Variants in HK2 observed in about 807,000 individuals in gnomAD.
HK2 encodes hexokinase-2.
A neutral mutation model predicts 92.9 loss-of-function variants in HK2; 42 were observed. That is an observed-to-expected ratio of 0.45 (90% confidence interval 0.35 to 0.58). The LOEUF (loss-of-function observed/expected upper bound fraction) is 0.58, where lower values mean the gene tolerates loss of function less well. HK2 is among the 20% of genes least tolerant of loss of function. The pLI is 0.00. For missense variants in HK2, 978 were observed against 1,245.1 expected, an observed-to-expected ratio of 0.79 and a Z score of 3.23; for synonymous variants, 422 against 468.0, an observed-to-expected ratio of 0.90 and a Z score of 1.27.
intron 1 of HK2, among the ~76,000 whole-genome samples, chr2:74,836,783 G>A (rs989126049): frequency 6.6e-6 from 1 of 152,174 alleles, no homozygotes; most frequent in African/African-American, 2.4e-5. Flanking sequence ...ATCTTTCTGA[G>A]CTGCCATTGG....
In HK2 at chr2:74,834,873, C is replaced by A. The variant is rs948053734; in HGVS notation, c.63+230C>A. 2.6e-5 allele frequency among the ~76,000 whole-genome samples: 4 copies of A among 152,212 alleles called. No individual in the cohort carries two copies. The highest frequency in any genetic ancestry group is 7.2e-5 in the African/African-American group (3 of 41,466). On this transcript the variant is annotated intron_variant, in intron 1 of 17. Coordinates refer to ENST00000290573, the MANE Select transcript of HK2 (RefSeq NM_000189.5). The surrounding 1 kb of genome is among the most constrained non-coding windows in gnomAD (Gnocchi z 4.2). ...AGGTCGCGCTCCGCCGGGCGCCCTC[C>A]CTCCCTGAGCTCCGGCACGCGCTCA...
At chr2:74,839,330 A>G (rs976671068) in intron 1 of HK2, among the ~76,000 whole-genome samples, 1 of 152,212 alleles carries the variant, frequency 6.6e-6, no homozygotes, top group African/African-American at 2.4e-5. Context: ...ACCACGTGCC[A>G]TTAGTCCGCA....
intron 1 of HK2, among the ~76,000 whole-genome samples, chr2:74,843,222 AT>A (rs944443253): frequency 2.6e-5 from 4 of 151,996 alleles, no homozygotes; most frequent in Non-Finnish European, 5.9e-5. Context: ...GCATCCTGGG[AT>A]TTGGCAGTCA....
intron 1 of HK2, among the ~76,000 whole-genome samples, chr2:74,837,778 C>T (rs971295897): frequency 6.6e-6 from 1 of 150,424 alleles, no homozygotes; most frequent in Non-Finnish European, 1.5e-5. Flanking sequence ...CAGGTTCAAG[C>T]GATTCTCCTG....
chr2:74,869,120 TAAA>T (rs750715342), intron 3 of HK2, among the ~76,000 whole-genome samples: 2 of 144,652 alleles, frequency 1.4e-5, no homozygotes, highest in African/African-American at 5.0e-5. Flanking sequence ...TAGTCCGGAT[TAAA>T]AAAAAAAACA....
At chr2:74,847,131 C>T (rs1418112291) in intron 1 of HK2, among the ~76,000 whole-genome samples, 1 of 152,152 alleles carries the variant, frequency 6.6e-6, no homozygotes, top group East Asian at 1.9e-4. Context: ...CAAAGTTCAG[C>T]TGTGCCACAG....
chr2:74,876,482 A>G (rs1012677936), intron 7 of HK2, among the ~76,000 whole-genome samples: 20 of 152,202 alleles, frequency 1.3e-4, no homozygotes, highest in Non-Finnish European at 4.4e-5. Flanking sequence ...TTAAAATTAA[A>G]TCACCGGACC....
At chr2:74,876,927 C>T (rs1689246789) in intron 7 of HK2, among the ~76,000 whole-genome samples, 2 of 152,190 alleles carry the variant, frequency 1.3e-5, no homozygotes, top group Admixed American at 1.3e-4. Context: ...CTGTGTGTTT[C>T]ATTTGGCTGC....
At chr2:74,879,785 A>G (rs80277953) in intron 9 of HK2, among the ~76,000 whole-genome samples, 3,243 of 152,322 alleles carry the variant, frequency 0.021, 60 homozygotes, top group African/African-American at 0.047. Flanking sequence ...GAAACTGGCA[A>G]AAGAGAGGCT....
chr2:74,864,596 T>G (rs1454660460), intron 2 of HK2, among the ~76,000 whole-genome samples: 1 of 152,188 alleles, frequency 6.6e-6, no homozygotes, highest in Non-Finnish European at 1.5e-5. Flanking sequence ...AACCTCCACT[T>G]CCTGGGTTCT....
At chr2:74,864,237 C>T (rs977850377) in intron 2 of HK2, among the ~76,000 whole-genome samples, 23 of 152,174 alleles carry the variant, frequency 1.5e-4, no homozygotes, top group African/African-American at 5.5e-4. Context: ...TTCTTAAGAA[C>T]GAAAGAAAGT....
In HK2 at chr2:74,873,317, A is replaced by T. The variant is rs1689145448; in HGVS notation, c.537A>T (p.Gly179=). ...GGACCAAGGGATTCAAGTCCAGTGG[A>T]GTGGAAGGCAGAGACGTTGTGGCTC... is the stretch of plus-strand genomic sequence containing the variant. ...VSWTKGFKSS[G]VEGRDVVALI... is the part of the protein sequence containing the mutation. The change falls in exon 5 of 18, where the codon GGA becomes GGT. Residue 179 remains glycine, a synonymous_variant. Coordinates refer to ENST00000290573, the MANE Select transcript of HK2 (RefSeq NM_000189.5). 6.2e-7 allele frequency: 1 copy of T among 1,613,858 alleles called. No homozygotes were observed. The highest frequency in any genetic ancestry group is 1.1e-5 in the South Asian group (1 of 91,076).
At chr2:74,837,728 T>G (rs1688202198) in intron 1 of HK2, among the ~76,000 whole-genome samples, 2 of 144,234 alleles carry the variant, frequency 1.4e-5, no homozygotes, top group Admixed American at 7.4e-5. Flanking sequence ...CAGGCTGGAG[T>G]GCAGTGGCGC....
At chr2:74,888,469 T>C (rs1305998575) in intron 16 of HK2, among the ~76,000 whole-genome samples, 39 of 152,246 alleles carry the variant, frequency 2.6e-4, no homozygotes, top group Non-Finnish European at 5.9e-5. Context: ...GGTTGGAACG[T>C]CAGGCAATGC....
chr2:74,884,111 T>G (rs528598443), intron 12 of HK2, among the ~76,000 whole-genome samples: 30 of 152,272 alleles, frequency 2.0e-4, no homozygotes, highest in Non-Finnish European at 4.1e-4. Context: ...CAACAGGTTA[T>G]ATATTTATTT....
chr2:74,886,973 C>T (rs1689554405), intron 15 of HK2, among the ~76,000 whole-genome samples: 1 of 152,206 alleles, frequency 6.6e-6, no homozygotes, highest in Non-Finnish European at 1.5e-5. Context: ...GGCTGAAGAG[C>T]ATCTCTTGGG....
chr2:74,892,643 G>C lies in HK2; in HGVS notation c.*1702G>C, dbSNP rs1195452195. The C allele has an allele frequency of 6.6e-6, 1 of 152,186 alleles. No homozygotes were observed. The highest frequency in any genetic ancestry group is 1.5e-5 in the Non-Finnish European group (1 of 68,034). 9.4% of individuals were successfully genotyped at this position (152,186 alleles called of 1,614,324 possible). ...AAAGAGGGATGTAACTATTGAATTG[G>C]ATACAAGGATCAGAATGGAAAGAAA... On this transcript the variant is annotated 3_prime_UTR_variant, in exon 18 of 18. Transcript: ENST00000290573.
intron 7 of HK2, among the ~76,000 whole-genome samples, chr2:74,876,829 T>C (rs1689244486): frequency 6.6e-6 from 1 of 152,216 alleles, no homozygotes; most frequent in African/African-American, 2.4e-5. Flanking sequence ...TTAAAAATGA[T>C]TTCCTGGCTA....
chr2:74,849,019 ACTGTGTATGGCCCACC>A (rs1688506537), intron 1 of HK2, among the ~76,000 whole-genome samples: 1 of 152,090 alleles, frequency 6.6e-6, no homozygotes, highest in Non-Finnish European at 1.5e-5. Flanking sequence ...CCTGGCCAGG[ACTGTGTATGGCCCACC>A]CTGCACACTG....
Sources: allele counts gnomAD v4.1 joint callset (sites outside exome capture counted in the v4.1 genomes callset), GRCh38; gene constraint gnomAD v4.1.1; non-coding constraint Gnocchi (gnomAD v3.1); transcripts MANE v1.5; gene names NCBI Gene and HGNC (gene_info 2026-07-23, HGNC 2026-07-21).